The following PDE1C variants were observed in gnomAD, a reference collection of about 807,000 sequenced individuals.
PDE1C encodes phosphodiesterase 1C.
Under a neutral mutation model 93.1 loss-of-function variants are expected in PDE1C, and 62 were observed. That is an observed-to-expected ratio of 0.67 (90% confidence interval 0.54 to 0.82). PDE1C has a LOEUF of 0.82. Ranked by LOEUF, PDE1C falls within the 40% of genes least tolerant of loss-of-function variation. The probability of loss-of-function intolerance (pLI) is 0.00; values close to 1 mark genes in which losing one functional copy is unlikely to be tolerated. For missense variants in PDE1C, 742 were observed against 884.6 expected, an observed-to-expected ratio of 0.84 and a Z score of 2.04; for synonymous variants, 325 against 310.1, an observed-to-expected ratio of 1.05 and a Z score of -0.50.
chr7:32,299,730 G>A (rs1812836256), upstream of PDE1C, among the ~76,000 whole-genome samples: 1 of 152,220 alleles, frequency 6.6e-6, no homozygotes, highest in African/African-American at 2.4e-5. Context: ...GGCCTTTGCA[G>A]TGCCTGAAAT....
At chr7:31,714,702 G>T in the PDE1C span, among the ~76,000 whole-genome samples, 1 of 152,206 alleles carries the variant, frequency 6.6e-6, no homozygotes, top group Non-Finnish European at 1.5e-5. Flanking sequence ...ATGGATGGCC[G>T]CAGGCAAAGA....
At chr7:31,912,256 A>G (rs1348444831) in intron 2 of PDE1C, among the ~76,000 whole-genome samples, 1 of 152,220 alleles carries the variant, frequency 6.6e-6, no homozygotes, top group Non-Finnish European at 1.5e-5. Context: ...TTTTATTGTC[A>G]TATAGTTATT....
chr7:32,231,002 C>T (rs755038712), intron 1 of PDE1C, among the ~76,000 whole-genome samples: 114 of 152,240 alleles, frequency 7.5e-4, no homozygotes, highest in Admixed American at 2.2e-3. Context: ...AATCTTAAAG[C>T]ATGTGGGGAT....
At chr7:32,039,387 G>T (rs531198186) in intron 2 of PDE1C, among the ~76,000 whole-genome samples, 12 of 152,272 alleles carry the variant, frequency 7.9e-5, no homozygotes, top group Admixed American at 7.8e-4. Flanking sequence ...GCTCACATCG[G>T]GTTCTCACAT....
chr7:32,298,820 C>A, exon 1 of PDE1C: 1 of 1,481,854 alleles, frequency 6.7e-7, no homozygotes, highest in Non-Finnish European at 8.9e-7. Context: ...GCCCGGGGCT[C>A]GGCGGCGAAT....
At chr7:32,254,543 G>C (rs1809643203) in intron 1 of PDE1C, among the ~76,000 whole-genome samples, 1 of 152,082 alleles carries the variant, frequency 6.6e-6, no homozygotes, top group African/African-American at 2.4e-5. Flanking sequence ...TATTCCAAAA[G>C]CAATAAATAA....
At chr7:31,987,595 T>C (rs531398328) in intron 2 of PDE1C, among the ~76,000 whole-genome samples, 1 of 150,694 alleles carries the variant, frequency 6.6e-6, no homozygotes, top group African/African-American at 2.4e-5. Context: ...CCAGGTGAAA[T>C]GAAAGGCCAG....
intron 1 of PDE1C, among the ~76,000 whole-genome samples, chr7:32,233,948 A>G (rs1585003700): frequency 1.3e-5 from 2 of 152,098 alleles, no homozygotes; most frequent in East Asian, 3.8e-4. Flanking sequence ...TATACAAAGT[A>G]TGTTTTCCTA....
chr7:31,760,891 A>G (rs1323399362), intron 17 of PDE1C, among the ~76,000 whole-genome samples: 2 of 152,224 alleles, frequency 1.3e-5, no homozygotes, highest in Admixed American at 6.5e-5. Context: ...TATACATTCT[A>G]TTTCTAAAAT....
chr7:32,407,190 A>T (rs1785071536), intron 1 of PDE1C, among the ~76,000 whole-genome samples: 1 of 152,094 alleles, frequency 6.6e-6, no homozygotes, highest in South Asian at 2.1e-4. Context: ...CAAGAGAATC[A>T]CTTGAACCCG....
At chr7:32,118,516 C>T (rs950116980) in intron 3 of PDE1C, among the ~76,000 whole-genome samples, 20 of 152,140 alleles carry the variant, frequency 1.3e-4, no homozygotes, top group African/African-American at 4.6e-4. Context: ...CTTGTTCCTG[C>T]TGCTACAATA....
rs186732122 is a variant in PDE1C, at chr7:31,804,156, G to C, written c.1891+4875C>G. Among the ~76,000 whole-genome samples the C allele has an allele frequency of 1.8e-3, 275 of 151,874 alleles. 1 individual carries two copies. The highest frequency in any genetic ancestry group is 6.4e-3 in the African/African-American group (266 of 41,466). On this transcript the variant is annotated intron_variant, in intron 16 of 17. Transcript: ENST00000396191. ...ATGTATATCCTTGAGCTTTATTCTG[G>C]GATGCAGTTAAATTACTTTGAGACA...
intron 1 of PDE1C, among the ~76,000 whole-genome samples, chr7:32,367,597 C>T (rs188349454): frequency 3.4e-4 from 52 of 152,226 alleles, no homozygotes; most frequent in African/African-American, 1.2e-3. Flanking sequence ...TGGCTTATGC[C>T]TGTAATCCAG....
the PDE1C span, chr7:31,643,700 A>G: frequency 6.2e-7 from 1 of 1,614,048 alleles, no homozygotes; most frequent in Non-Finnish European, 8.5e-7. Context: ...CATGGGCCCC[A>G]GCCCCTCACC....
chr7:32,395,571 C>T (rs1327447918), intron 1 of PDE1C, among the ~76,000 whole-genome samples: 1 of 152,150 alleles, frequency 6.6e-6, no homozygotes, highest in Non-Finnish European at 1.5e-5. Flanking sequence ...TTCATCCTAT[C>T]AGCAAGCTGG....
intron 1 of PDE1C, among the ~76,000 whole-genome samples, chr7:32,330,682 C>T (rs6462358): frequency 0.031 from 4,718 of 152,252 alleles, 136 homozygotes; most frequent in African/African-American, 0.076. Context: ...AAGGCCTGTT[C>T]CCGAGCCCCA....
At chr7:32,201,223 G>T (rs1584947324) in intron 2 of PDE1C, among the ~76,000 whole-genome samples, 1 of 152,202 alleles carries the variant, frequency 6.6e-6, no homozygotes, top group Non-Finnish European at 1.5e-5. Flanking sequence ...TGTAAAAAAT[G>T]AGAAGGTTTT....
rs114211972 is a variant in PDE1C, at chr7:31,943,595, G to A, written c.129-62735C>T. 3.6e-3 allele frequency among the ~76,000 whole-genome samples: 549 copies of A among 152,218 alleles called. 2 individuals carry two copies. The highest frequency in any genetic ancestry group is 0.012 in the African/African-American group (505 of 41,522). On this transcript the variant is annotated intron_variant, in intron 2 of 17. Coordinates refer to ENST00000396191, the MANE Select transcript of PDE1C (RefSeq NM_001191057.4). ...GGTGGAAGCAAGTTCACCAACAGTA[G>A]TCCTATAAATATCAATGACCAGGAG...
intron 1 of PDE1C, among the ~76,000 whole-genome samples, chr7:32,297,497 G>A (rs939860785): frequency 6.6e-6 from 1 of 152,140 alleles, no homozygotes; most frequent in Admixed American, 6.5e-5. Flanking sequence ...CTCCACCTGA[G>A]ACTTGGGTTC....
Sources: allele counts gnomAD v4.1 joint callset (sites outside exome capture counted in the v4.1 genomes callset), GRCh38; gene constraint gnomAD v4.1.1; transcripts MANE v1.5; gene names NCBI Gene and HGNC (gene_info 2026-07-23, HGNC 2026-07-21).